The following MECOM variants were observed in gnomAD, a reference collection of about 807,000 sequenced individuals.
The protein encoded by MECOM is histone-lysine N-methyltransferase MECOM.
In MECOM, 13 loss-of-function variants were observed where a neutral mutation model predicts 116.3. That is an observed-to-expected ratio of 0.11 (90% confidence interval 0.07 to 0.18). The LOEUF is 0.18. Ranked by LOEUF, MECOM falls within the 10% of genes least tolerant of loss-of-function variation. The probability of loss-of-function intolerance (pLI) is 1.00; values close to 1 mark genes in which losing one functional copy is unlikely to be tolerated. For synonymous variants in MECOM, 528 were observed against 535.2 expected (o/e 0.99, Z 0.19); for missense variants, 1,299 against 1,509.0 (o/e 0.86, Z 2.31).
chr3:169,585,131 G>A (rs1765632822), intron 1 of MECOM, among the ~76,000 whole-genome samples: 1 of 152,186 alleles, frequency 6.6e-6, no homozygotes, highest in Non-Finnish European at 1.5e-5. Flanking sequence ...ATGGATTAGA[G>A]GTCTTAGAAA....
At chr3:169,228,777 T>C (rs1753042179) in intron 2 of MECOM, among the ~76,000 whole-genome samples, 1 of 152,184 alleles carries the variant, frequency 6.6e-6, no homozygotes, top group South Asian at 2.1e-4. Context: ...TATTGCCAAG[T>C]TGGACAGCAT....
intron 1 of MECOM, among the ~76,000 whole-genome samples, chr3:169,577,600 A>T (rs2109505761): frequency 6.6e-6 from 1 of 152,214 alleles, no homozygotes; most frequent in South Asian, 2.1e-4. Flanking sequence ...GTTAGGCCCC[A>T]TGGAGGTGTT....
At chr3:169,503,883 C>T (rs1253557460) in intron 1 of MECOM, among the ~76,000 whole-genome samples, 1 of 152,110 alleles carries the variant, frequency 6.6e-6, no homozygotes, top group East Asian at 1.9e-4. Flanking sequence ...AGCACTGTAA[C>T]ATAGACCATG....
At chr3:169,273,048 C>T (rs1484556102) in intron 2 of MECOM, among the ~76,000 whole-genome samples, 2 of 152,088 alleles carry the variant, frequency 1.3e-5, no homozygotes, top group African/African-American at 4.8e-5. Flanking sequence ...ATATGAAAAA[C>T]AGGTAGTCAG....
At chr3:169,263,110 TATATATATATATATA>T (rs1560060961) in intron 2 of MECOM, among the ~76,000 whole-genome samples, 30 of 99,686 alleles carry the variant, frequency 3.0e-4, no homozygotes, top group African/African-American at 1.5e-3. Flanking sequence ...TATATATATA[TATATATATATATATA>T]TATGTTTTTT....
intron 1 of MECOM, among the ~76,000 whole-genome samples, chr3:169,385,069 A>T (rs1179001449): frequency 6.9e-6 from 1 of 144,392 alleles, no homozygotes; most frequent in Admixed American, 7.5e-5. Context: ...ACACTATTGC[A>T]CTCCAGCCTG....
At chr3:169,641,385 C>A (rs1210185847) in intron 1 of MECOM, among the ~76,000 whole-genome samples, 1 of 152,158 alleles carries the variant, frequency 6.6e-6, no homozygotes, top group Non-Finnish European at 1.5e-5. Context: ...GACTTTAACC[C>A]CACTGAGCCA....
At chr3:169,628,848 G>A (rs1403698247) in intron 1 of MECOM, among the ~76,000 whole-genome samples, 1 of 152,200 alleles carries the variant, frequency 6.6e-6, no homozygotes, top group East Asian at 1.9e-4. Flanking sequence ...AGGTGCTCTT[G>A]CAGATTAGAA....
chr3:169,394,840 T>G lies in MECOM; in HGVS notation c.38-13316A>C, dbSNP rs1421965330. The stretch of plus-strand genomic sequence containing the variant: ...CATAGTACAAAGGATTTATGAATTT[T>G]TAAATTAACCCTCCTGGATCTCGAC... On this transcript the variant is annotated intron_variant, in intron 1 of 16. Coordinates refer to ENST00000651503, the MANE Select transcript of MECOM (RefSeq NM_004991.4). Among the ~76,000 whole-genome samples the G allele has an allele frequency of 1.3e-5, 2 of 152,278 alleles. 1 individual carries two copies. The highest frequency in any genetic ancestry group is 3.9e-4 in the East Asian group (2 of 5,178).
intron 1 of MECOM, among the ~76,000 whole-genome samples, chr3:169,490,831 T>A (rs1752995099): frequency 1.3e-5 from 2 of 152,194 alleles, no homozygotes; most frequent in Admixed American, 1.3e-4. Flanking sequence ...ATGTTAATAT[T>A]TGAGTATATA....
chr3:169,656,681 C>T (rs1258566837), intron 1 of MECOM, among the ~76,000 whole-genome samples: 5 of 152,114 alleles, frequency 3.3e-5, no homozygotes. Flanking sequence ...TTTGTCTTGG[C>T]TTTGAGTTCT....
At chr3:169,210,276 C>A (rs1245291168) in intron 2 of MECOM, among the ~76,000 whole-genome samples, 1 of 152,078 alleles carries the variant, frequency 6.6e-6, no homozygotes, top group Non-Finnish European at 1.5e-5. Context: ...TGCAGCCAAC[C>A]ACCATGGCAC....
chr3:169,279,894 A>G (rs1018951143), intron 2 of MECOM, among the ~76,000 whole-genome samples: 1 of 152,126 alleles, frequency 6.6e-6, no homozygotes, highest in Non-Finnish European at 1.5e-5. Context: ...AAGCTCTGCT[A>G]TTTTGCTTGC....
chr3:169,296,303 A>T (rs1049596069), intron 2 of MECOM, among the ~76,000 whole-genome samples: 1 of 152,070 alleles, frequency 6.6e-6, no homozygotes, highest in Non-Finnish European at 1.5e-5. Flanking sequence ...ATCCTATAAC[A>T]CTCCCAGATC....
At chr3:169,190,644 T>C (rs1747401527) in intron 2 of MECOM, among the ~76,000 whole-genome samples, 1 of 152,046 alleles carries the variant, frequency 6.6e-6, no homozygotes. Context: ...CACACATTTA[T>C]ACATGATAAA....
chr3:169,551,372 T>TAA (rs745359536), intron 1 of MECOM, among the ~76,000 whole-genome samples: 2 of 149,264 alleles, frequency 1.3e-5, no homozygotes, highest in Admixed American at 6.7e-5. Context: ...TATCTACACT[T>TAA]TAAAAAAAAA....
At chr3:169,257,806 A>G (rs1336705831) in intron 2 of MECOM, among the ~76,000 whole-genome samples, 1 of 152,212 alleles carries the variant, frequency 6.6e-6, no homozygotes, top group Admixed American at 6.5e-5. Flanking sequence ...AATGGTGTGG[A>G]TAAATGCTTC....
At chr3:169,476,426 G>C (rs1750383705) in intron 1 of MECOM, among the ~76,000 whole-genome samples, 1 of 152,138 alleles carries the variant, frequency 6.6e-6, no homozygotes, top group South Asian at 2.1e-4. Flanking sequence ...TATTTGCAGA[G>C]TACAGTGTAA....
chr3:169,574,041 T>A (rs1299377863), intron 1 of MECOM, among the ~76,000 whole-genome samples: 3 of 152,236 alleles, frequency 2.0e-5, no homozygotes, highest in Admixed American at 1.3e-4. Context: ...TGTATTCAAA[T>A]TTATACAACT....
Sources: allele counts gnomAD v4.1 joint callset (sites outside exome capture counted in the v4.1 genomes callset), GRCh38; gene constraint gnomAD v4.1.1; transcripts MANE v1.5; gene names NCBI Gene and HGNC (gene_info 2026-07-23, HGNC 2026-07-21).